TRPC4: variants seen among roughly 807,000 people sequenced by gnomAD.
TRPC4 encodes the protein short transient receptor potential channel 4.
Under a neutral mutation model 99.4 loss-of-function variants are expected in TRPC4, and 49 were observed. The observed-to-expected ratio is 0.49, with a 90% CI of 0.39 to 0.63. TRPC4 has a LOEUF of 0.63. TRPC4 is among the 20% of genes least tolerant of loss of function. The pLI is 0.00. For synonymous variants in TRPC4, 454 were observed against 425.9 expected (o/e 1.07, Z -0.81); for missense variants, 898 against 1,152.9 (o/e 0.78, Z 3.20).
At chr13:37,783,968 A>C (rs1336414932) in intron 1 of TRPC4, among the ~76,000 whole-genome samples, 1 of 152,102 alleles carries the variant, frequency 6.6e-6, no homozygotes, top group African/African-American at 2.4e-5. Context: ...TTGGCCTCCC[A>C]AAGTGCCGGA....
intron 1 of TRPC4, among the ~76,000 whole-genome samples, chr13:37,787,824 T>C (rs1458952277): frequency 6.6e-6 from 1 of 152,102 alleles, no homozygotes; most frequent in African/African-American, 2.4e-5. Flanking sequence ...AAGATTATAC[T>C]TATTTTCAAA....
At chr13:37,655,487 A>G (rs1381448971) in intron 6 of TRPC4, among the ~76,000 whole-genome samples, 2 of 152,026 alleles carry the variant, frequency 1.3e-5, no homozygotes, top group Admixed American at 1.3e-4. Context: ...TCAAACTAGT[A>G]GAAATGGTGT....
At chr13:37,849,753 T>C (rs1959007152) in intron 1 of TRPC4, among the ~76,000 whole-genome samples, 1 of 152,228 alleles carries the variant, frequency 6.6e-6, no homozygotes, top group Non-Finnish European at 1.5e-5. Context: ...TAACTTTTAC[T>C]TGATCAGGCT....
intron 2 of TRPC4, among the ~76,000 whole-genome samples, chr13:37,768,323 A>C (rs1956444103): frequency 6.6e-6 from 1 of 151,504 alleles, no homozygotes; most frequent in Non-Finnish European, 1.5e-5. Context: ...AAATTCTAGG[A>C]ATTGACAGTG....
Position 37,783,141 on chromosome 13 carries a change from A to C in TRPC4, c.193T>G (p.Cys65Gly). The change falls in exon 2 of 11, where the codon TGC becomes GGC. Residue 65 changes from cysteine (C) to glycine (G), a missense_variant. Coordinates refer to ENST00000379705, the MANE Select transcript of TRPC4 (RefSeq NM_016179.4). ...AEIYFKININ[C>G]IDPLGRTALL... ...GCAGTTCTTCCGAGAGGATCAATGC[A>C]ATTAATATTGATTTTAAAATAAATT... is the stretch of plus-strand genomic sequence containing the variant. 2 of 1,613,478 alleles carry C rather than the reference A, an allele frequency of 1.2e-6. No individual in the cohort carries two copies. The highest frequency in any genetic ancestry group is 1.7e-6 in the Non-Finnish European group (2 of 1,179,726).
chr13:37,852,349 A>G (rs1160313899), intron 1 of TRPC4, among the ~76,000 whole-genome samples: 1 of 152,172 alleles, frequency 6.6e-6, no homozygotes, highest in Non-Finnish European at 1.5e-5. Context: ...TCCAGATAAC[A>G]TTTCTAGACA....
intron 1 of TRPC4, among the ~76,000 whole-genome samples, chr13:37,793,580 A>G (rs1238041072): frequency 6.6e-6 from 1 of 152,128 alleles, no homozygotes; most frequent in Non-Finnish European, 1.5e-5. Flanking sequence ...TTCCAAGAGT[A>G]TAATGAACAG....
Position 37,663,404 on chromosome 13 carries a change from T to C in TRPC4, c.1688+12A>G. ...GTACAACATTACCAGTAGAAATGTCTATTAGACTTACGTTGAAAATGCATT... is the reference window on the plus strand; with the variant it reads ...GTACAACATTACCAGTAGAAATGTCCATTAGACTTACGTTGAAAATGCATT... On this transcript the variant is annotated intron_variant, in intron 6 of 10. Coordinates refer to ENST00000379705, the MANE Select transcript of TRPC4 (RefSeq NM_016179.4). 1.9e-6 allele frequency: 3 copies of C among 1,605,038 alleles called. No individual in the cohort carries two copies. Among genetic ancestry groups the C allele is most frequent in the Non-Finnish European group, 2.6e-6 (3 of 1,175,288 alleles).
chr13:37,802,008 T>TA (rs947932555), intron 1 of TRPC4, among the ~76,000 whole-genome samples: 10 of 152,054 alleles, frequency 6.6e-5, no homozygotes, highest in African/African-American at 2.4e-4. Context: ...TATAGTTATG[T>TA]AAAAAAATAC....
chr13:37,788,218 C>T (rs1035597062), intron 1 of TRPC4, among the ~76,000 whole-genome samples: 1 of 151,988 alleles, frequency 6.6e-6, no homozygotes. Context: ...TATTTCATAC[C>T]AACCTTCACT....
At chr13:37,701,949 A>G (rs543580938) in intron 3 of TRPC4, among the ~76,000 whole-genome samples, 22 of 152,074 alleles carry the variant, frequency 1.4e-4, no homozygotes, top group Non-Finnish European at 2.4e-4. Context: ...TTAAAACAAC[A>G]TATTTTTTTT....
At position 37,745,459 on chromosome 13, in the gene TRPC4, T is replaced by C. The variant is rs950073819; in HGVS notation, c.897+478A>G. ...GCGTATATATATATATATATATATA[T>C]ATATATATATATATACACACACACA... On this transcript the variant is annotated intron_variant, in intron 3 of 10. Transcript: ENST00000379705. Among the ~76,000 whole-genome samples, 7 of 86,832 alleles carry C rather than the reference T, an allele frequency of 8.1e-5. No homozygotes were observed. In the East Asian group the frequency reaches 1.9e-3, roughly 23 times the overall value. The allele number at this position is 86,832 out of a possible 152,430, so 57.0% of individuals were successfully genotyped here. A position where few individuals can be genotyped will look rare whatever the true frequency, so the allele number is the denominator to read the frequency against.
chr13:37,754,603 T>G (rs1246299178), intron 2 of TRPC4, among the ~76,000 whole-genome samples: 1 of 152,110 alleles, frequency 6.6e-6, no homozygotes, highest in Non-Finnish European at 1.5e-5. Flanking sequence ...CAAATTTCAC[T>G]CAGCAATCCA....
At chr13:37,740,603 G>A (rs9548039) in intron 3 of TRPC4, among the ~76,000 whole-genome samples, 47,899 of 151,984 alleles carry the variant, frequency 0.32, 8,900 homozygotes, top group East Asian at 0.76. Flanking sequence ...CTCACCCGAG[G>A]TGTCCCTTGG....
intron 1 of TRPC4, among the ~76,000 whole-genome samples, chr13:37,843,668 AC>A (rs1462206616): frequency 6.8e-6 from 1 of 146,870 alleles, no homozygotes; most frequent in Admixed American, 7.0e-5. Context: ...TATGTCTTCA[AC>A]TGATGTTTGG....
chr13:37,867,240 T>G (rs1475505601), intron 1 of TRPC4, among the ~76,000 whole-genome samples: 1 of 152,000 alleles, frequency 6.6e-6, no homozygotes, highest in Non-Finnish European at 1.5e-5. Context: ...CTATACTAAC[T>G]TTAAGCACTG....
chr13:37,731,953 T>G (rs574840262), intron 3 of TRPC4, among the ~76,000 whole-genome samples: 3 of 152,076 alleles, frequency 2.0e-5, no homozygotes, highest in African/African-American at 4.8e-5. Context: ...TCCTCACCAA[T>G]GGTCAAGTTA....
intron 5 of TRPC4, among the ~76,000 whole-genome samples, chr13:37,670,481 C>T (rs73456466): frequency 5.8e-4 from 88 of 152,188 alleles, no homozygotes; most frequent in Middle Eastern, 3.4e-3. Flanking sequence ...GTCATAACAC[C>T]GGTAATCCCG....
chr13:37,814,574 T>G (rs2139495002), intron 1 of TRPC4, among the ~76,000 whole-genome samples: 1 of 151,902 alleles, frequency 6.6e-6, no homozygotes, highest in Admixed American at 6.6e-5. Context: ...TCAAAAAGAT[T>G]AAAATATTTA....
Sources: allele counts gnomAD v4.1 joint callset (sites outside exome capture counted in the v4.1 genomes callset), GRCh38; gene constraint gnomAD v4.1.1; transcripts MANE v1.5; gene names NCBI Gene and HGNC (gene_info 2026-07-23, HGNC 2026-07-21).